ZBTB20: variants seen among roughly 807,000 people sequenced by gnomAD.
ZBTB20 encodes zinc finger and BTB domain containing 20.
Under a neutral mutation model 56.9 loss-of-function variants are expected in ZBTB20, and 9 were observed. The ratio of observed to expected loss-of-function variants is 0.16; its 90% CI spans 0.10 to 0.28. ZBTB20 has a LOEUF of 0.28. ZBTB20 is among the 10% of genes least tolerant of loss of function. ZBTB20 has a pLI of 1.00. For synonymous variants in ZBTB20, 417 were observed against 420.7 expected, an observed-to-expected ratio of 0.99 and a Z score of 0.11; for missense variants, 655 against 1,003.0, an observed-to-expected ratio of 0.65 and a Z score of 4.69.
At chr3:115,005,424 C>T (rs1003388487) in intron 2 of ZBTB20, among the ~76,000 whole-genome samples, 2 of 151,602 alleles carry the variant, frequency 1.3e-5, no homozygotes, top group Non-Finnish European at 2.9e-5. Context: ...GAAAACCAAA[C>T]AGTTTATATC....
intron 7 of ZBTB20, among the ~76,000 whole-genome samples, chr3:114,394,308 C>T (rs964986214): frequency 2.0e-5 from 3 of 152,164 alleles, no homozygotes; most frequent in African/African-American, 7.2e-5. Flanking sequence ...AGAATCCAAA[C>T]CCAGATCTCT....
chr3:114,895,958 A>G (rs931182333), intron 4 of ZBTB20, among the ~76,000 whole-genome samples: 5 of 152,262 alleles, frequency 3.3e-5, no homozygotes, highest in Admixed American at 3.3e-4. Context: ...CAAAGCTCCT[A>G]AATTCAAACT....
rs2075855133 is a variant in ZBTB20 at position 114,919,098 on chromosome 3, T to A, written c.-455-18756A>T. Among the ~76,000 whole-genome samples, 3 of 152,256 alleles carry A rather than the reference T, an allele frequency of 2.0e-5. No individual in the cohort carries two copies. The South Asian group carries it at 6.2e-4, about 32-fold the overall frequency. On this transcript the variant is annotated intron_variant, in intron 3 of 11. Coordinates refer to ENST00000675478, the MANE Select transcript of ZBTB20 (RefSeq NM_001348800.3). ...TCCCTTTTAAGCCTAATATAAAAGA[T>A]AAAAGACAAAAAATATCAAAAACAA...
At chr3:115,064,632 A>G (rs1203022037) in intron 2 of ZBTB20, among the ~76,000 whole-genome samples, 1 of 151,740 alleles carries the variant, frequency 6.6e-6, no homozygotes, top group Non-Finnish European at 1.5e-5. Context: ...TAAATTTTTT[A>G]GAGATGAGGT....
Position 114,335,581 on chromosome 3 carries a change from A to G in ZBTB20, c.*3424T>C, listed in dbSNP as rs556929884. ...ATGGGCCAGGAACATAGCAATAAAC[A>G]ACTACCTCTTTGCTCCTCCAGATTA... is the stretch of plus-strand genomic sequence containing the variant. On this transcript the variant is annotated 3_prime_UTR_variant, in exon 12 of 12. Transcript: ENST00000675478. 1.3e-5 allele frequency: 2 copies of G among 152,214 alleles called. No homozygotes were observed. 9.4% of individuals were successfully genotyped at this position (152,214 alleles called of 1,614,324 possible).
At chr3:115,078,595 A>ATGTGTGTG (rs10662256) in intron 1 of ZBTB20, among the ~76,000 whole-genome samples, 269 of 130,602 alleles carry the variant, frequency 2.1e-3, no homozygotes, top group African/African-American at 5.5e-3. Context: ...CAGTAAGAAT[A>ATGTGTGTG]TGTGTGTGTG....
chr3:114,697,747 G>C (rs370579400), intron 5 of ZBTB20, among the ~76,000 whole-genome samples: 1 of 151,718 alleles, frequency 6.6e-6, no homozygotes, highest in Non-Finnish European at 1.5e-5. Flanking sequence ...GAGCAGGAGA[G>C]GGAGGGAGGA....
intron 2 of ZBTB20, among the ~76,000 whole-genome samples, chr3:115,040,134 T>C (rs2081082768): frequency 6.6e-6 from 1 of 152,126 alleles, no homozygotes; most frequent in African/African-American, 2.4e-5. Context: ...ATATATAATT[T>C]TTTTTATTTC....
intron 2 of ZBTB20, among the ~76,000 whole-genome samples, chr3:115,044,644 C>A (rs890461842): frequency 1.3e-5 from 2 of 152,106 alleles, no homozygotes; most frequent in Non-Finnish European, 2.9e-5. Context: ...TAAAACATAC[C>A]AATGCCAGAG....
intron 3 of ZBTB20, among the ~76,000 whole-genome samples, chr3:114,966,258 T>C (rs1009047000): frequency 6.6e-6 from 1 of 151,932 alleles, no homozygotes; most frequent in African/African-American, 2.4e-5. Context: ...AGACGGTAAC[T>C]CCAGGTTCAA....
chr3:114,979,200 G>A (rs1452986723), intron 2 of ZBTB20, among the ~76,000 whole-genome samples: 1 of 151,922 alleles, frequency 6.6e-6, no homozygotes, highest in Non-Finnish European at 1.5e-5. Context: ...AACTTAAGTT[G>A]GAGGTTACAT....
rs148295166 is a variant in ZBTB20 at position 114,396,931 on chromosome 3, A to G, written c.-254-7826T>C. ...CTTTTGAGGCCTCACATTTGACATCAGATGTTCCACACCCAGCTATTGAAC... is the reference window on the plus strand; with the variant it reads ...CTTTTGAGGCCTCACATTTGACATCGGATGTTCCACACCCAGCTATTGAAC... On this transcript the variant is annotated intron_variant, in intron 7 of 11. Transcript: ENST00000675478. 9.4e-3 allele frequency among the ~76,000 whole-genome samples: 1,436 copies of G among 152,206 alleles called. 38 individuals are homozygous for G. Among genetic ancestry groups the G allele is most frequent in the African/African-American group, 0.032 (1,342 of 41,542 alleles).
intron 2 of ZBTB20, among the ~76,000 whole-genome samples, chr3:115,045,862 T>G (rs1221331223): frequency 2.0e-5 from 3 of 152,160 alleles, no homozygotes; most frequent in Non-Finnish European, 4.4e-5. Context: ...ATTCTAAGAT[T>G]GTTCTCAAAC....
At chr3:114,756,689 CT>C (rs2068031040) in intron 5 of ZBTB20, among the ~76,000 whole-genome samples, 1 of 152,044 alleles carries the variant, frequency 6.6e-6, no homozygotes, top group African/African-American at 2.4e-5. Context: ...TGTATTCAGG[CT>C]AAGTTTAGTC....
At chr3:114,784,012 CT>C (rs1560245666) in intron 5 of ZBTB20, among the ~76,000 whole-genome samples, 1 of 152,086 alleles carries the variant, frequency 6.6e-6, no homozygotes, top group Non-Finnish European at 1.5e-5. Flanking sequence ...TAAAGTTGGT[CT>C]TTTCGTTGTG....
At chr3:115,071,559 T>C (rs2082410005) in intron 1 of ZBTB20, among the ~76,000 whole-genome samples, 145 bp from the exon 2 acceptor site, 2 of 152,196 alleles carry the variant, frequency 1.3e-5, no homozygotes, top group South Asian at 2.1e-4. Flanking sequence ...ATTCCCATGT[T>C]TATGCTGTTT....
At chr3:114,685,375 C>T (rs182869092) in intron 6 of ZBTB20, among the ~76,000 whole-genome samples, 1 of 152,250 alleles carries the variant, frequency 6.6e-6, no homozygotes, top group Admixed American at 6.5e-5. Flanking sequence ...CAAGGACTTG[C>T]TAATTTCAAA....
At chr3:114,780,532 G>A (rs2108771960) in intron 5 of ZBTB20, among the ~76,000 whole-genome samples, 1 of 152,256 alleles carries the variant, frequency 6.6e-6, no homozygotes, top group African/African-American at 2.4e-5. Flanking sequence ...TCTGTTGCCA[G>A]GCTGGAGTGC....
chr3:114,351,264 T>A lies in ZBTB20; in HGVS notation c.814A>T (p.Thr272Ser). 1 of 1,601,452 alleles carries A rather than the reference T, an allele frequency of 6.2e-7. No individual in the cohort carries two copies. The highest frequency in any genetic ancestry group is 1.7e-5 in the Admixed American group (1 of 59,900). The part of the protein sequence containing the change: ...YSGAVVSHHE[T>S]ALGLPRDHHM... ...TGGTCGCGGGGCAGGCCGAGCGCAG[T>A]CTCGTGGTGGCTGACCACTGCGCCG... is the stretch of plus-strand genomic sequence containing the variant. Residue 272 changes from threonine (T) to serine (S), a missense_variant, in exon 11 of 12, where the codon ACT (threonine) becomes TCT (serine). By Grantham distance (58) the Thr-to-Ser change is moderately conservative. Coordinates refer to ENST00000675478, the MANE Select transcript of ZBTB20 (RefSeq NM_001348800.3).
Sources: gnomAD v4.1 joint callset for allele counts (sites outside exome capture counted in the v4.1 genomes callset) on GRCh38, gnomAD v4.1.1 for gene constraint, MANE v1.5 for transcripts, NCBI Gene and HGNC (gene_info 2026-07-23, HGNC 2026-07-21) for gene names.